SEMA6A: variants seen among roughly 807,000 people sequenced by gnomAD.
The protein encoded by SEMA6A is semaphorin 6A.
In SEMA6A, 25 loss-of-function variants were observed where a neutral mutation model predicts 96.8. The ratio of observed to expected loss-of-function variants is 0.26; its 90% confidence interval spans 0.19 to 0.36. The LOEUF is 0.36. Ranked by LOEUF, SEMA6A falls within the 10% of genes least tolerant of loss-of-function variation. The pLI is 1.00. For missense variants in SEMA6A, 1,363 were observed against 1,323.1 expected (o/e 1.03, Z -0.47); for synonymous variants, 612 against 518.0 (o/e 1.18, Z -2.46).
At chr5:116,449,276 T>C (rs1754478546) in intron 18 of SEMA6A, 10 of 702,198 alleles carry the variant, frequency 1.4e-5, no homozygotes, top group Non-Finnish European at 2.6e-5. Flanking sequence ...AATGTAAACA[T>C]TGTTCCTATT....
intron 1 of SEMA6A, among the ~76,000 whole-genome samples, chr5:116,529,292 C>T (rs1323156306): frequency 6.6e-6 from 1 of 152,092 alleles, no homozygotes; most frequent in Non-Finnish European, 1.5e-5. Context: ...TACAAAAGTA[C>T]AGCTAGATAG....
intron 1 of SEMA6A, among the ~76,000 whole-genome samples, chr5:116,543,186 A>G (rs984020304): frequency 1.3e-5 from 2 of 152,176 alleles, no homozygotes; most frequent in Non-Finnish European, 2.9e-5. Context: ...AGAAGTGCTA[A>G]CTTTCTACTT....
intron 1 of SEMA6A, among the ~76,000 whole-genome samples, chr5:116,521,107 C>A (rs1465961329): frequency 6.6e-6 from 1 of 152,210 alleles, no homozygotes; most frequent in Non-Finnish European, 1.5e-5. Flanking sequence ...TGGCAAGAAC[C>A]TAATGAACAT....
chr5:116,548,872 A>G (rs1467636527), intron 1 of SEMA6A, among the ~76,000 whole-genome samples: 1 of 152,248 alleles, frequency 6.6e-6, no homozygotes, highest in Non-Finnish European at 1.5e-5. Context: ...AAAGAATAAT[A>G]GGACAGGCCT....
chr5:116,499,271 C>T (rs956075896), intron 3 of SEMA6A: 1 of 152,172 alleles, frequency 6.6e-6, no homozygotes, highest in African/African-American at 2.4e-5. Context: ...TCCCAACCAT[C>T]TTAGTGTACA....
intron 1 of SEMA6A, among the ~76,000 whole-genome samples, chr5:116,515,918 G>A (rs796381984): frequency 7.2e-5 from 11 of 152,288 alleles, no homozygotes; most frequent in African/African-American, 2.6e-4. Flanking sequence ...CATCAGTCAC[G>A]AATGATTTAA....
In SEMA6A at chr5:116,548,894, T is replaced by G. The variant is rs569404131; in HGVS notation, c.-39+25291A>C. On this transcript the variant is annotated intron_variant, in intron 1 of 18. Coordinates refer to ENST00000343348, the MANE Select transcript of SEMA6A (RefSeq NM_020796.5). ...AATAGGACAGGCCTGGCCTTCTCTA[T>G]CTGCAATTTCTACTTCTAGAAAGAA... Among the ~76,000 whole-genome samples, 17 of 152,312 alleles carry G rather than the reference T, an allele frequency of 1.1e-4. No individual in the cohort carries two copies. The South Asian group carries it at 3.5e-3, about 32-fold the overall frequency.
intron 18 of SEMA6A, among the ~76,000 whole-genome samples, chr5:116,456,148 T>C (rs964005570): frequency 2.6e-5 from 4 of 152,258 alleles, no homozygotes; most frequent in Middle Eastern, 3.4e-3. Flanking sequence ...CCTTGACTAG[T>C]GAACTTAAAT....
In SEMA6A at chr5:116,574,801, C is replaced by A. The variant is rs576782395; in HGVS notation, c.-655G>T. On this transcript the variant is annotated 5_prime_UTR_variant, in exon 1 of 19. Transcript: ENST00000343348. ...GGAGCGGAGTTGGCTGCAGCCTCAC[C>A]CCGTGCCGCTCACTACTCCTCTGTC... is the stretch of plus-strand genomic sequence containing the variant. 6.6e-6 allele frequency: 1 copy of A among 152,534 alleles called. No homozygotes were observed. The highest frequency in any genetic ancestry group is 2.4e-5 in the African/African-American group (1 of 41,596). 9.4% of individuals were successfully genotyped at this position (152,534 alleles called of 1,614,324 possible). A position where few individuals can be genotyped will look rare whatever the true frequency, so the allele number is the denominator to read the frequency against.
chr5:116,486,549 A>G, intron 10 of SEMA6A, 200 bp downstream of exon 10: 1 of 542,890 alleles, frequency 1.8e-6, no homozygotes, highest in East Asian at 3.0e-5. Flanking sequence ...TTATCTAATT[A>G]CTTCCCCTAA....
chr5:116,480,404 T>C, intron 11 of SEMA6A, 127 bp from the exon 12 acceptor site: 1 of 1,142,300 alleles, frequency 8.8e-7, no homozygotes, highest in South Asian at 1.4e-5. Context: ...GAGGAGGAAG[T>C]TGAACAATGC....
chr5:116,510,152 G>T (rs994317661), intron 1 of SEMA6A, among the ~76,000 whole-genome samples: 7 of 152,000 alleles, frequency 4.6e-5, no homozygotes, highest in Non-Finnish European at 8.8e-5. Flanking sequence ...ATGCTATACT[G>T]CCTAGTCTCA....
chr5:116,471,273 T>C (rs1756126025), intron 17 of SEMA6A: 1 of 152,194 alleles, frequency 6.6e-6, no homozygotes, highest in South Asian at 2.1e-4. Flanking sequence ...CCTTTCCTTT[T>C]GTAAAGGAAA....
intron 1 of SEMA6A, chr5:116,550,346 C>G (rs528772284): frequency 6.6e-6 from 1 of 152,286 alleles, no homozygotes; most frequent in Non-Finnish European, 1.5e-5. Context: ...CTAAGGTTAT[C>G]TGACACCATT....
At chr5:116,528,409 T>C (rs1759322327) in intron 1 of SEMA6A, among the ~76,000 whole-genome samples, 1 of 152,138 alleles carries the variant, frequency 6.6e-6, no homozygotes, top group Non-Finnish European at 1.5e-5. Context: ...GCCTTTACAA[T>C]ATCAAGCTGA....
intron 18 of SEMA6A, among the ~76,000 whole-genome samples, chr5:116,456,197 G>C (rs1755002155): frequency 1.3e-5 from 2 of 152,164 alleles, no homozygotes; most frequent in East Asian, 3.8e-4. Context: ...GTCTGAATCA[G>C]TGCCACTCAG....
chr5:116,472,857 A>G (rs987298916), intron 17 of SEMA6A: 257 of 706,008 alleles, frequency 3.6e-4, no homozygotes, highest in Non-Finnish European at 4.7e-4. Flanking sequence ...CACGAATTTA[A>G]AAAAAAAAAA....
chr5:116,562,172 G>T (rs935309757), intron 1 of SEMA6A, among the ~76,000 whole-genome samples: 6 of 152,068 alleles, frequency 3.9e-5, no homozygotes, highest in African/African-American at 1.4e-4. Context: ...CCACTACCCT[G>T]GAACACAGTA....
intron 10 of SEMA6A, among the ~76,000 whole-genome samples, chr5:116,485,336 C>T (rs993649735): frequency 1.2e-4 from 18 of 152,140 alleles, no homozygotes; most frequent in African/African-American, 2.9e-4. Context: ...TCTTAGATTC[C>T]GGTAGCCCCT....
Sources: gnomAD v4.1 joint callset for allele counts (sites outside exome capture counted in the v4.1 genomes callset) on GRCh38, gnomAD v4.1.1 for gene constraint, MANE v1.5 for transcripts, NCBI Gene and HGNC (gene_info 2026-07-23, HGNC 2026-07-21) for gene names.